Variants in CAPN15 observed in about 807,000 individuals in gnomAD.
CAPN15 encodes the protein calpain 15.
In CAPN15, 53 loss-of-function variants were observed where a neutral mutation model predicts 97.9. The observed-to-expected ratio is 0.54, with a 90% CI of 0.43 to 0.68. The LOEUF (loss-of-function observed/expected upper bound fraction) is 0.68, where lower values mean the gene tolerates loss of function less well. Among genes scored for constraint, CAPN15 ranks in the 30% least tolerant of loss-of-function variants. The pLI is 0.00. For synonymous variants in CAPN15, 922 were observed against 722.5 expected, an observed-to-expected ratio of 1.28 and a Z score of -4.43; for missense variants, 1,592 against 1,589.8, an observed-to-expected ratio of 1.00 and a Z score of -0.02.
chr16:530,217 C>T (rs570909734), intron 1 of CAPN15, among the ~76,000 whole-genome samples: 2 of 152,356 alleles, frequency 1.3e-5, no homozygotes, highest in South Asian at 4.1e-4. Context: ...TGGGATCTGC[C>T]TGCAGCACTT....
rs145298702 is a variant in CAPN15 at position 544,300 on chromosome 16, GC to G, written c.-22-2516del. ...CCGGTGTGCCCCGAGAGCTGTCTGG[GC>G]ACAGGTTGCGGGGCTGCCCCGGCCG... is the stretch of plus-strand genomic sequence containing the variant. On this transcript the variant is annotated intron_variant, in intron 3 of 13. Transcript: ENST00000219611. Among the ~76,000 whole-genome samples the G allele has an allele frequency of 1.7e-3, 257 of 152,156 alleles. 8 individuals carry two copies. In the East Asian group the frequency reaches 0.045, roughly 26 times the overall value.
intron 3 of CAPN15, chr16:540,309 G>T: frequency 1.0e-6 from 1 of 985,520 alleles, no homozygotes; most frequent in South Asian, 4.7e-5. Context: ...GCCCAGGGGG[G>T]CCCGTCTGGG....
chr16:536,535 G>T (rs1011938906), intron 3 of CAPN15, among the ~76,000 whole-genome samples: 27 of 152,102 alleles, frequency 1.8e-4, no homozygotes, highest in African/African-American at 6.0e-4. Flanking sequence ...CCATTCTCCT[G>T]CCTCAGCCTC....
chr16:530,098 G>A (rs546551188), intron 1 of CAPN15, among the ~76,000 whole-genome samples: 1 of 152,318 alleles, frequency 6.6e-6, no homozygotes, highest in African/African-American at 2.4e-5. Context: ...CCACCAGGCT[G>A]TGCCTCAGCT....
At chr16:536,384 A>G (rs2033727003) in intron 3 of CAPN15, among the ~76,000 whole-genome samples, 1 of 151,484 alleles carries the variant, frequency 6.6e-6, no homozygotes, top group Non-Finnish European at 1.5e-5. Flanking sequence ...CTTCCTCCTA[A>G]ATGCAGTTCC....
At chr16:550,328 G>A (rs1369668623) in intron 7 of CAPN15, among the ~76,000 whole-genome samples, 5 of 152,270 alleles carry the variant, frequency 3.3e-5, no homozygotes, top group Non-Finnish European at 5.9e-5. Context: ...CCACCCGCCC[G>A]GGAGCCACAG....
intron 3 of CAPN15, chr16:540,186 G>A (rs1169212481): frequency 1.0e-6 from 1 of 985,460 alleles, no homozygotes; most frequent in East Asian, 1.1e-4. Flanking sequence ...CCGGCCGGGG[G>A]GCCATGGGGA....
chr16:530,265 G>T (rs938354953), intron 1 of CAPN15, among the ~76,000 whole-genome samples: 1 of 152,312 alleles, frequency 6.6e-6, no homozygotes, highest in East Asian at 1.9e-4. Flanking sequence ...TGGATGTGGC[G>T]CCGAGGGCAG....
In CAPN15 at chr16:549,055, G is replaced by A. The variant is rs761441381; in HGVS notation, c.1512G>A (p.Ala504=). The change falls in exon 5 of 14, where the codon GCG becomes GCA. Residue 504 remains alanine (A), a synonymous_variant. Transcript: ENST00000219611. ...PPGPESVGFP[A]GDSVQQRVRQ... The stretch of plus-strand genomic sequence containing the variant: ...GGCCCGAGTCTGTCGGCTTCCCCGC[G>A]GGTGACAGCGTGCAGCAGCGTGTGA... 3.2e-5 allele frequency: 52 copies of A among 1,612,632 alleles called. No individual in the cohort carries two copies. Among genetic ancestry groups the A allele is most frequent in the South Asian group, 6.6e-5 (6 of 91,094 alleles).
Position 549,712 on chromosome 16 carries a change from G to T in CAPN15, c.1940G>T (p.Gly647Val), listed in dbSNP as rs766622384. Reference sequence around the variant, plus strand: ...CTCCAGGCGGGCCGCGCCATCGAAGGCCTGGCCACGCTCACCGGCGCCCCC... The same window carrying T: ...CTCCAGGCGGGCCGCGCCATCGAAGTCCTGGCCACGCTCACCGGCGCCCCC... ...FALQAGRAIE[G>V]LATLTGAPCE... is the part of the protein sequence containing the mutation. Residue 647 changes from glycine to valine, a missense_variant, in exon 7 of 14, where the codon GGC (glycine) becomes GTC (valine). Gly to Val is a moderately radical substitution (Grantham distance 109). Around this residue, in one of 3 missense-constraint regions of CAPN15, gnomAD observed 644 missense variants for 699.6 expected, o/e 0.92. Transcript: ENST00000219611. The T allele has an allele frequency of 5.7e-6, 9 of 1,571,306 alleles. No homozygotes were observed. The highest frequency in any genetic ancestry group is 6.9e-6 in the Non-Finnish European group (8 of 1,159,856).
intron 2 of CAPN15, among the ~76,000 whole-genome samples, chr16:534,278 C>T (rs2033537891): frequency 3.3e-5 from 1 of 30,234 alleles, no homozygotes; most frequent in East Asian, 0.033. Flanking sequence ...GTGGCCCCGG[C>T]CCCCAGATGG....
At position 548,156 on chromosome 16, in the gene CAPN15, C is replaced by A; in HGVS notation, c.1318C>A (p.Leu440Ile). The part of the protein sequence containing the change: ...KHCAACHTPQ[L>I]LVAQRRGAAP... ...CTGCGCCGCCTGCCACACGCCTCAG[C>A]TCCTGGTGGCCCAGCGGCGGGGGGC... is the stretch of plus-strand genomic sequence containing the variant. The change falls in exon 4 of 14, where the codon CTC (leucine) becomes ATC (isoleucine). Residue 440 changes from leucine (L) to isoleucine (I), a missense_variant. Leu to Ile is a conservative substitution (Grantham distance 5). This residue lies in a region of CAPN15 where 883 missense variants were observed against 776.6 expected (regional missense o/e 1.14). Coordinates refer to ENST00000219611, the MANE Select transcript of CAPN15 (RefSeq NM_005632.3). 3 of 1,537,876 alleles carry A rather than the reference C, an allele frequency of 2.0e-6. No homozygotes were observed. The Admixed American group carries it at 6.1e-5, about 31-fold the overall frequency.
intron 2 of CAPN15, among the ~76,000 whole-genome samples, chr16:534,898 G>A (rs999826419): frequency 2.6e-5 from 4 of 152,182 alleles, no homozygotes; most frequent in Non-Finnish European, 5.9e-5. Flanking sequence ...AAGATTGACG[G>A]AGATGTAGGG....
At chr16:553,076 A>C (rs1596365909) in intron 13 of CAPN15, 35 bp downstream of exon 13, 1 of 954,278 alleles carries the variant, frequency 1.0e-6, no homozygotes, top group South Asian at 1.8e-5. Context: ...ACCCCTGCAC[A>C]GGTGCCCCCT....
Position 547,135 on chromosome 16 carries a change from C to G in CAPN15, c.297C>G (p.Gly99=). The G allele has an allele frequency of 6.4e-7, 1 of 1,559,468 alleles. No homozygotes were observed. The highest frequency in any genetic ancestry group is 8.7e-7 in the Non-Finnish European group (1 of 1,154,588). Residue 99 remains glycine, a synonymous_variant, in exon 4 of 14, where the codon GGC becomes GGG. Transcript: ENST00000219611. ...CCGCCATCCTGGGGGAGCCCAAGGG[C>G]AGCTGCCAGGAGGAAGCAGGTCCAG... ...KPPAILGEPK[G]SCQEEAGPVR...
At chr16:549,894 C>A (rs1207676608) in intron 7 of CAPN15, 56 bp downstream of exon 7, 14 of 1,392,812 alleles carry the variant, frequency 1.0e-5, no homozygotes, top group East Asian at 2.5e-5. Flanking sequence ...CGAGGCGGAG[C>A]GGTGGGAGAT....
At chr16:533,766 G>A (rs1459458050) in intron 1 of CAPN15, among the ~76,000 whole-genome samples, 180 bp from the exon 2 acceptor site, 1 of 152,202 alleles carries the variant, frequency 6.6e-6, no homozygotes, top group East Asian at 1.9e-4. Flanking sequence ...GCTGCCTTTG[G>A]CGCTCGGACA....
In CAPN15 at chr16:548,167, C is replaced by A; in HGVS notation, c.1329C>A (p.Ala443=). The A allele has an allele frequency of 1.3e-6, 2 of 1,534,360 alleles. No homozygotes were observed. The highest frequency in any genetic ancestry group is 2.1e-5 in the Admixed American group (1 of 47,974). The change falls in exon 4 of 14, where the codon GCC becomes GCA. Residue 443 remains alanine, a synonymous_variant. Coordinates refer to ENST00000219611, the MANE Select transcript of CAPN15 (RefSeq NM_005632.3). The stretch of plus-strand genomic sequence containing the variant: ...GCCACACGCCTCAGCTCCTGGTGGC[C>A]CAGCGGCGGGGGGCCGCGCCCCTGA... The part of the protein sequence containing the change: ...AACHTPQLLV[A]QRRGAAPLRR...
At chr16:539,966 C>A (rs555810665) in intron 3 of CAPN15, 2 of 579,168 alleles carry the variant, frequency 3.5e-6, no homozygotes, top group African/African-American at 2.0e-5. Flanking sequence ...CTGAGATGTC[C>A]CCTCAGCCTA....
Sources: gnomAD v4.1 joint callset for allele counts (sites outside exome capture counted in the v4.1 genomes callset) on GRCh38, gnomAD v4.1.1 for gene constraint, gnomAD v4.1.1 regional missense constraint, MANE v1.5 for transcripts, NCBI Gene and HGNC (gene_info 2026-07-23, HGNC 2026-07-21) for gene names.